SEM1: variants seen among roughly 807,000 people sequenced by gnomAD.
SEM1 encodes the protein SEM1 26S proteasome subunit.
A neutral mutation model predicts 12.7 loss-of-function variants in SEM1; 3 were observed. The ratio of observed to expected loss-of-function variants is 0.24; its 90% CI spans 0.11 to 0.61. SEM1 has a LOEUF of 0.61. SEM1 is among the 20% of genes least tolerant of loss of function. The pLI, the probability that SEM1 is intolerant of heterozygous loss-of-function variation, is 0.88. For synonymous variants in SEM1, 30 were observed against 27.8 expected (o/e 1.08, Z -0.25); for missense variants, 59 against 81.3 (o/e 0.73, Z 1.06).
intron 2 of SEM1, among the ~76,000 whole-genome samples, chr7:96,613,263 G>A (rs897853541): frequency 6.6e-6 from 1 of 152,154 alleles, no homozygotes; most frequent in African/African-American, 2.4e-5. Context: ...GAAAAAGTTT[G>A]CACACGTTTT....
intron 2 of SEM1, among the ~76,000 whole-genome samples, chr7:96,693,760 T>TTGTGTGTGTGTGTGTGTGTGTGTG (rs566641071): frequency 6.5e-4 from 91 of 139,566 alleles, no homozygotes; most frequent in Non-Finnish European, 1.2e-3. Flanking sequence ...ACAATTCCAC[T>TTGTGTGTGTGTGTGTGTGTGTGTG]TGTGTGTGTG....
At chr7:96,658,303 C>A (rs965685021) in intron 2 of SEM1, among the ~76,000 whole-genome samples, 1 of 152,118 alleles carries the variant, frequency 6.6e-6, no homozygotes, top group African/African-American at 2.4e-5. Flanking sequence ...AAAACTAAAT[C>A]TCAATGCTCT....
intron 2 of SEM1, among the ~76,000 whole-genome samples, chr7:96,657,521 C>T (rs1355627988): frequency 2.0e-5 from 3 of 152,124 alleles, no homozygotes; most frequent in Non-Finnish European, 2.9e-5. Context: ...CAAAGGTATT[C>T]TCAGCAGTGT....
chr7:96,517,047 A>G (rs1348272354), intron 2 of SEM1, among the ~76,000 whole-genome samples: 2 of 152,186 alleles, frequency 1.3e-5, no homozygotes, highest in East Asian at 3.9e-4. Context: ...CAATAAAAAG[A>G]TCAGTGGTTT....
At chr7:96,580,326 T>G (rs1457599995) in intron 2 of SEM1, among the ~76,000 whole-genome samples, 1 of 147,846 alleles carries the variant, frequency 6.8e-6, no homozygotes, top group Non-Finnish European at 1.5e-5. Flanking sequence ...TGCATAGTAT[T>G]CCATGGTGTA....
intron 2 of SEM1, among the ~76,000 whole-genome samples, chr7:96,535,813 G>A (rs1045123774): frequency 6.6e-6 from 1 of 151,942 alleles, no homozygotes; most frequent in Non-Finnish European, 1.5e-5. Flanking sequence ...CGGCTGTCTA[G>A]TATTCCATGG....
At chr7:96,556,226 A>T (rs1242029744) in intron 2 of SEM1, among the ~76,000 whole-genome samples, 2 of 151,548 alleles carry the variant, frequency 1.3e-5, no homozygotes, top group African/African-American at 4.8e-5. Context: ...AATTTGATCC[A>T]GTCATTATGA....
intron 2 of SEM1, among the ~76,000 whole-genome samples, chr7:96,536,695 T>G (rs1804796977): frequency 6.6e-6 from 1 of 151,876 alleles, no homozygotes. Flanking sequence ...TGATCTTCTT[T>G]GTTCTGAAGT....
At chr7:96,623,568 T>C in intron 2 of SEM1, among the ~76,000 whole-genome samples, 1 of 148,114 alleles carries the variant, frequency 6.8e-6, no homozygotes, top group South Asian at 2.1e-4. Flanking sequence ...ATATAAAATA[T>C]GTACTTGTTT....
chr7:96,596,069 G>T (rs1301569264), intron 2 of SEM1, among the ~76,000 whole-genome samples: 2 of 152,168 alleles, frequency 1.3e-5, no homozygotes, highest in Non-Finnish European at 2.9e-5. Flanking sequence ...TTGCAAACAG[G>T]TAAAGTAAGT....
chr7:96,677,653 A>G (rs577035923), intron 2 of SEM1, among the ~76,000 whole-genome samples: 1 of 152,158 alleles, frequency 6.6e-6, no homozygotes, highest in African/African-American at 2.4e-5. Flanking sequence ...TCAGAGCAGG[A>G]ACTATTCAGT....
intron 2 of SEM1, among the ~76,000 whole-genome samples, chr7:96,541,866 A>G (rs977151597): frequency 2.0e-5 from 3 of 149,844 alleles, no homozygotes; most frequent in Admixed American, 6.7e-5. Flanking sequence ...ATTTTTGCCA[A>G]TTTTGTTGAA....
chr7:96,599,980 C>G (rs1335426624), intron 2 of SEM1, among the ~76,000 whole-genome samples: 1 of 152,188 alleles, frequency 6.6e-6, no homozygotes, highest in Non-Finnish European at 1.5e-5. Context: ...CCAGGTCACA[C>G]AGGAACACGC....
downstream of SEM1, among the ~76,000 whole-genome samples, chr7:96,672,205 A>T (rs1789334788): frequency 6.6e-6 from 1 of 152,188 alleles, no homozygotes; most frequent in South Asian, 2.1e-4. Context: ...TTCTTTTACA[A>T]GGAAAGAGCG....
chr7:96,484,087 A>T (rs890051042), intron 3 of SEM1: 11 of 1,089,894 alleles, frequency 1.0e-5, no homozygotes, highest in Admixed American at 3.0e-5. Context: ...TATAGGGTAG[A>T]TCCAATCATC....
At chr7:96,694,944 A>G in intron 1 of SEM1, 53 bp from the exon 2 acceptor site, 1 of 1,367,200 alleles carries the variant, frequency 7.3e-7, no homozygotes, top group Non-Finnish European at 1.0e-6. Flanking sequence ...TATTTCCACA[A>G]TTACAAAAAC....
intron 2 of SEM1, among the ~76,000 whole-genome samples, chr7:96,651,898 C>T (rs534907648): frequency 6.6e-6 from 1 of 152,246 alleles, no homozygotes; most frequent in Admixed American, 6.5e-5. Context: ...GATGCAAAAA[C>T]ATGGGTCAAA....
At chr7:96,486,101 A>G (rs1252992620) in intron 2 of SEM1, 7 of 781,502 alleles carry the variant, frequency 9.0e-6, no homozygotes, top group Admixed American at 2.7e-5. Context: ...GTATGTCACA[A>G]TGTTGCTGGC....
intron 2 of SEM1, among the ~76,000 whole-genome samples, chr7:96,553,038 G>T (rs1005509890): frequency 1.3e-5 from 2 of 151,822 alleles, no homozygotes; most frequent in East Asian, 1.9e-4. Context: ...TTTTTGATGG[G>T]GTTGTTTGTT....
Sources: allele counts gnomAD v4.1 joint callset (sites outside exome capture counted in the v4.1 genomes callset), GRCh38; gene constraint gnomAD v4.1.1; transcripts MANE v1.5; gene names NCBI Gene and HGNC (gene_info 2026-07-23, HGNC 2026-07-21).